PKD2L1: variants seen among roughly 807,000 people sequenced by gnomAD.
PKD2L1 encodes polycystin-2-like protein 1.
In PKD2L1, 77 loss-of-function variants were observed where a neutral mutation model predicts 93.0. The observed-to-expected ratio is 0.83, with a 90% CI of 0.69 to 1.00. The LOEUF is 1.00. PKD2L1 is among the 50% of genes least tolerant of loss of function. The probability of loss-of-function intolerance (pLI) is 0.00; values close to 1 mark genes in which losing one functional copy is unlikely to be tolerated. For synonymous variants in PKD2L1, 390 were observed against 388.0 expected, an observed-to-expected ratio of 1.01 and a Z score of -0.06; for missense variants, 977 against 990.9, an observed-to-expected ratio of 0.99 and a Z score of 0.19.
At chr10:100,329,153 T>C in intron 2 of PKD2L1, 58 bp downstream of exon 2, 2 of 1,531,434 alleles carry the variant, frequency 1.3e-6, no homozygotes, top group Non-Finnish European at 1.8e-6. Context: ...TTTATACATA[T>C]AGTGCACACA....
chr10:100,328,145 T>C (rs1849418766), intron 2 of PKD2L1, among the ~76,000 whole-genome samples: 1 of 152,240 alleles, frequency 6.6e-6, no homozygotes, highest in Admixed American at 6.5e-5. Flanking sequence ...AAACATCACT[T>C]GTGCAACTTT....
chr10:100,298,300 T>C (rs560914442), intron 4 of PKD2L1, among the ~76,000 whole-genome samples: 3 of 152,282 alleles, frequency 2.0e-5, no homozygotes, highest in African/African-American at 7.2e-5. Flanking sequence ...ACGTGCAAGG[T>C]AGGACAAGTG....
intron 2 of PKD2L1, among the ~76,000 whole-genome samples, chr10:100,306,830 C>T (rs1848810816): frequency 1.7e-5 from 2 of 116,466 alleles, no homozygotes; most frequent in South Asian, 5.4e-4. Flanking sequence ...TGCCCTCCAG[C>T]CTGGGCGAGA....
chr10:100,306,711 A>G (rs1848807134), intron 2 of PKD2L1, among the ~76,000 whole-genome samples: 1 of 151,458 alleles, frequency 6.6e-6, no homozygotes, highest in Admixed American at 6.6e-5. Flanking sequence ...AAATACAAAA[A>G]TTGGGTGTGT....
At chr10:100,297,277 T>C (rs1369312819) in intron 5 of PKD2L1, 69 bp from the exon 6 acceptor site, 31 of 1,545,900 alleles carry the variant, frequency 2.0e-5, no homozygotes, top group Non-Finnish European at 2.8e-5. Context: ...CTTCCTCTCC[T>C]CTCCACCCCC....
intron 2 of PKD2L1, among the ~76,000 whole-genome samples, chr10:100,319,992 A>G (rs1849192011): frequency 6.6e-6 from 1 of 152,234 alleles, no homozygotes; most frequent in South Asian, 2.1e-4. Flanking sequence ...TATCATGATG[A>G]TGGTGTGGGC....
chr10:100,305,886 T>C (rs1422310353), intron 2 of PKD2L1, among the ~76,000 whole-genome samples: 1 of 152,124 alleles, frequency 6.6e-6, no homozygotes, highest in African/African-American at 2.4e-5. Context: ...GAAGGCTTTT[T>C]AAAACACAAA....
At chr10:100,322,893 G>T (rs1449813425) in intron 2 of PKD2L1, among the ~76,000 whole-genome samples, 1 of 152,220 alleles carries the variant, frequency 6.6e-6, no homozygotes, top group Non-Finnish European at 1.5e-5. Flanking sequence ...TCACTTGCTT[G>T]CATGAGTGGC....
chr10:100,292,925 A>C (rs1237117307), intron 11 of PKD2L1, 23 bp downstream of exon 11: 1 of 1,607,800 alleles, frequency 6.2e-7, no homozygotes, highest in Non-Finnish European at 8.5e-7. Flanking sequence ...TTATTAGAGA[A>C]GGCTGGGTCT....
In PKD2L1 at chr10:100,297,481, C is replaced by A. The variant is rs148412598; in HGVS notation, c.857G>T (p.Arg286Leu). Residue 286 changes from arginine to leucine, a missense_variant, in exon 5 of 16, where the codon CGG (arginine) becomes CTG (leucine). Transcript: ENST00000318222. ...GSRQGSAEAL[R>L]ALQEGLWLDR... ...CAGCCACAGCCCCTCCTGAAGGGCC[C>A]GGAGAGCCTCTGCACTACCCTGTCG... The A allele has an allele frequency of 2.4e-5, 38 of 1,613,948 alleles. No homozygotes were observed. Among genetic ancestry groups the A allele is most frequent in the Non-Finnish European group, 3.1e-5 (36 of 1,179,996 alleles).
chr10:100,298,243 C>T (rs1462711115), intron 4 of PKD2L1, among the ~76,000 whole-genome samples: 1 of 152,142 alleles, frequency 6.6e-6, no homozygotes. Context: ...TTTTGTATAC[C>T]CCTAACCAAC....
intron 10 of PKD2L1, 94 bp downstream of exon 10, chr10:100,293,187 C>T (rs2134377864): frequency 6.5e-7 from 1 of 1,548,120 alleles, no homozygotes; most frequent in Non-Finnish European, 8.9e-7. Flanking sequence ...CACAAGGGCA[C>T]AGGCACCTCA....
intron 14 of PKD2L1, among the ~76,000 whole-genome samples, chr10:100,289,737 T>C (rs992995002): frequency 6.6e-5 from 10 of 152,028 alleles, no homozygotes; most frequent in African/African-American, 2.4e-4. Flanking sequence ...TTGTGTTGCT[T>C]ATAAGCCACC....
At position 100,299,759 on chromosome 10, in the gene PKD2L1, C is replaced by T. The variant is rs764177658; in HGVS notation, c.350-41G>A. ...AGAGGCTATGTCCTTCTCACTGTTC[C>T]CCCAGAGGAGACAGGAAAGCCTATT... On this transcript the variant is annotated intron_variant, in intron 2 of 15. Transcript: ENST00000318222. The T allele has an allele frequency of 4.4e-6, 7 of 1,600,136 alleles. No homozygotes were observed. The South Asian group carries it at 7.7e-5, about 18-fold the overall frequency.
At chr10:100,302,073 G>T (rs1409464246) in intron 2 of PKD2L1, among the ~76,000 whole-genome samples, 1 of 152,174 alleles carries the variant, frequency 6.6e-6, no homozygotes, top group African/African-American at 2.4e-5. Flanking sequence ...GACCTCATGT[G>T]ATCCGCCCAC....
intron 13 of PKD2L1, 48 bp from the exon 14 acceptor site, chr10:100,290,186 G>A (rs765132683): frequency 5.6e-6 from 9 of 1,610,464 alleles, no homozygotes; most frequent in Non-Finnish European, 6.8e-6. Context: ...CTGTGTCTGG[G>A]GGCTGGATGT....
chr10:100,314,720 A>G (rs946514691), intron 2 of PKD2L1, among the ~76,000 whole-genome samples: 1 of 151,940 alleles, frequency 6.6e-6, no homozygotes, highest in Non-Finnish European at 1.5e-5. Context: ...AAATTCATGT[A>G]TATTTATATA....
At chr10:100,327,771 G>A (rs763324382) in intron 2 of PKD2L1, among the ~76,000 whole-genome samples, 17 of 152,198 alleles carry the variant, frequency 1.1e-4, no homozygotes, top group Non-Finnish European at 1.9e-4. Context: ...TGGGCCGGCC[G>A]TTGTTCCTCA....
intron 2 of PKD2L1, among the ~76,000 whole-genome samples, chr10:100,317,209 T>C (rs1010874264): frequency 2.0e-5 from 3 of 152,248 alleles, no homozygotes; most frequent in African/African-American, 7.2e-5. Context: ...TAACACTTTT[T>C]ATTTTTTAAA....
Sources: gnomAD v4.1 joint callset for allele counts (sites outside exome capture counted in the v4.1 genomes callset) on GRCh38, gnomAD v4.1.1 for gene constraint, MANE v1.5 for transcripts, NCBI Gene and HGNC (gene_info 2026-07-23, HGNC 2026-07-21) for gene names.